The following TBX15 variants were observed in gnomAD, a reference collection of about 807,000 sequenced individuals.
TBX15 encodes T-box transcription factor TBX15.
Under a neutral mutation model 53.9 loss-of-function variants are expected in TBX15, and 18 were observed. The ratio of observed to expected loss-of-function variants is 0.33; its 90% CI spans 0.23 to 0.49. The LOEUF (loss-of-function observed/expected upper bound fraction) is 0.49. TBX15 is among the 20% of genes least tolerant of loss of function. TBX15 has a pLI of 0.98. For synonymous variants in TBX15, 295 were observed against 278.0 expected (o/e 1.06, Z -0.61); for missense variants, 692 against 749.5 (o/e 0.92, Z 0.90).
chr1:118,958,676 C>T (rs755446535), intron 1 of TBX15, among the ~76,000 whole-genome samples: 2 of 152,150 alleles, frequency 1.3e-5, no homozygotes, highest in Non-Finnish European at 2.9e-5. Context: ...ACCAGCCCCA[C>T]CTCCCACCTC....
chr1:118,885,075 C>T lies in TBX15; in HGVS notation c.1466G>A (p.Ser489Asn). 2 of 1,614,118 alleles carry T rather than the reference C, an allele frequency of 1.2e-6. No individual in the cohort carries two copies. Among genetic ancestry groups the T allele is most frequent in the Non-Finnish European group, 1.7e-6 (2 of 1,180,028 alleles). ...CCCGAACATGTGTGGTGATGAGGAG[C>T]TGGAGGCAGCATTGCCTGCCTGCAT... is the stretch of plus-strand genomic sequence containing the variant. ...YVMQAGNAAS[S>N]SSSPHMFGGS... The change falls in exon 8 of 8, where the codon AGC (serine) becomes AAC (asparagine). Residue 489 changes from serine to asparagine, a missense_variant. Coordinates refer to ENST00000369429, the MANE Select transcript of TBX15 (RefSeq NM_001330677.2).
chr1:118,977,523 G>T (rs933606464), intron 1 of TBX15, among the ~76,000 whole-genome samples: 2 of 152,062 alleles, frequency 1.3e-5, no homozygotes, highest in African/African-American at 4.8e-5. Context: ...AGGACAACTA[G>T]TAAATCCACA....
chr1:118,939,423 A>C (rs1461829176), intron 1 of TBX15, among the ~76,000 whole-genome samples: 1 of 118,770 alleles, frequency 8.4e-6, no homozygotes, highest in Non-Finnish European at 1.7e-5. Flanking sequence ...AAAAAAAAAA[A>C]AAAAAAAAAA....
intron 1 of TBX15, among the ~76,000 whole-genome samples, chr1:118,978,126 A>T (rs1434706465): frequency 6.6e-6 from 1 of 152,254 alleles, no homozygotes; most frequent in Non-Finnish European, 1.5e-5. Flanking sequence ...AATAGGTTAC[A>T]TCATACACAA....
At chr1:118,970,114 A>T (rs974847928) in intron 1 of TBX15, among the ~76,000 whole-genome samples, 1 of 152,178 alleles carries the variant, frequency 6.6e-6, no homozygotes, top group African/African-American at 2.4e-5. Flanking sequence ...CATGATTGTA[A>T]GTTTCCTGAG....
intron 6 of TBX15, among the ~76,000 whole-genome samples, 175 bp from the exon 7 acceptor site, chr1:118,899,300 G>A (rs919454503): frequency 1.3e-5 from 2 of 152,066 alleles, no homozygotes; most frequent in Non-Finnish European, 2.9e-5. Context: ...TGGACTGCAG[G>A]GGGAATAACA....
chr1:118,912,460 C>T (rs1025732562), intron 6 of TBX15, among the ~76,000 whole-genome samples: 2 of 152,106 alleles, frequency 1.3e-5, no homozygotes, highest in African/African-American at 4.8e-5. Flanking sequence ...CTTAAAAGCC[C>T]TTGCATGCCA....
chr1:118,976,318 T>TA lies in TBX15; in HGVS notation c.205+11272dup, dbSNP rs555239028. On this transcript the variant is annotated intron_variant, in intron 1 of 7. Coordinates refer to ENST00000369429, the MANE Select transcript of TBX15 (RefSeq NM_001330677.2). The stretch of plus-strand genomic sequence containing the variant: ...TTTATTCTTGTTGTTGTTGTTGTTT[T>TA]AATTCAGCCATGCAACACCCACTAA... 3.1e-3 allele frequency among the ~76,000 whole-genome samples: 474 copies of TA among 152,316 alleles called. 1 individual carries two copies. The highest frequency in any genetic ancestry group is 5.2e-3 in the Non-Finnish European group (353 of 68,032).
At chr1:118,979,439 G>GTTAGGGA (rs2101050763) in intron 1 of TBX15, among the ~76,000 whole-genome samples, 1 of 151,454 alleles carries the variant, frequency 6.6e-6, no homozygotes, top group African/African-American at 2.4e-5. Flanking sequence ...TTTGGAAATG[G>GTTAGGGA]TTAGGGATTA....
At chr1:118,980,282 C>T (rs1328485630) in intron 1 of TBX15, among the ~76,000 whole-genome samples, 4 of 152,038 alleles carry the variant, frequency 2.6e-5, no homozygotes, top group Non-Finnish European at 4.4e-5. Flanking sequence ...GAGAACGCAG[C>T]GGTGAGGGGA....
At chr1:118,886,886 C>T (rs1000288072) in intron 7 of TBX15, among the ~76,000 whole-genome samples, 6 of 152,106 alleles carry the variant, frequency 3.9e-5, no homozygotes, top group Non-Finnish European at 8.8e-5. Context: ...TGTATTTGAA[C>T]GAGTTGATCT....
intron 1 of TBX15, among the ~76,000 whole-genome samples, chr1:118,960,602 T>G (rs537054855): frequency 1.3e-5 from 2 of 152,230 alleles, no homozygotes; most frequent in African/African-American, 4.8e-5. Context: ...ATGAGAGGAA[T>G]GGCTGCAGGG....
At chr1:118,952,059 C>T (rs1471118765) in intron 1 of TBX15, among the ~76,000 whole-genome samples, 1 of 152,134 alleles carries the variant, frequency 6.6e-6, no homozygotes, top group Admixed American at 6.5e-5. Context: ...ACAGCAAAAC[C>T]AACCCCTCCT....
chr1:118,893,358 A>AAGGAAAGG (rs1654239835), intron 7 of TBX15, among the ~76,000 whole-genome samples: 1 of 38,650 alleles, frequency 2.6e-5, no homozygotes, highest in Non-Finnish European at 5.4e-5. Context: ...GGAAGGAAGG[A>AAGGAAAGG]AAGAAAGAAA....
intron 7 of TBX15, among the ~76,000 whole-genome samples, chr1:118,892,492 A>T (rs1294336826): frequency 6.6e-6 from 1 of 152,242 alleles, no homozygotes; most frequent in Non-Finnish European, 1.5e-5. Flanking sequence ...GTCTAAAGAC[A>T]TCAAAGTCAA....
At chr1:118,954,006 T>A (rs1656601905) in intron 1 of TBX15, among the ~76,000 whole-genome samples, 2 of 152,212 alleles carry the variant, frequency 1.3e-5, no homozygotes, top group African/African-American at 4.8e-5. Context: ...ATTTGTCACA[T>A]GACAGCCAGG....
At chr1:118,933,144 C>A (rs1004018980) in intron 1 of TBX15, among the ~76,000 whole-genome samples, 1 of 152,108 alleles carries the variant, frequency 6.6e-6, no homozygotes, top group South Asian at 2.1e-4. Context: ...AAAGATACAC[C>A]CCATTGTTCC....
At chr1:118,988,531 T>G (rs535167178), upstream of TBX15, among the ~76,000 whole-genome samples, 1 of 152,220 alleles carries the variant, frequency 6.6e-6, no homozygotes, top group African/African-American at 2.4e-5. Context: ...GGTTTCCCCA[T>G]GGGTTACTCC....
chr1:118,933,331 G>A (rs1382968588), intron 1 of TBX15, among the ~76,000 whole-genome samples: 1 of 151,930 alleles, frequency 6.6e-6, no homozygotes, highest in East Asian at 1.9e-4. Flanking sequence ...AAGATATTCA[G>A]GTTGTTAAAG....
Sources: allele counts gnomAD v4.1 joint callset (sites outside exome capture counted in the v4.1 genomes callset), GRCh38; gene constraint gnomAD v4.1.1; transcripts MANE v1.5; gene names NCBI Gene and HGNC (gene_info 2026-07-23, HGNC 2026-07-21).